Variants in FOXJ2 observed in about 807,000 individuals in gnomAD.
The protein encoded by FOXJ2 is forkhead box protein J2.
In FOXJ2, 18 loss-of-function variants were observed where a neutral mutation model predicts 68.4. The observed-to-expected ratio is 0.26, with a 90% CI of 0.18 to 0.39. The LOEUF (loss-of-function observed/expected upper bound fraction) is 0.39, where lower values mean the gene tolerates loss of function less well. Among genes scored for constraint, FOXJ2 ranks in the 10% least tolerant of loss-of-function variants. FOXJ2 has a pLI of 1.00. For synonymous variants in FOXJ2, 274 were observed against 263.2 expected, an observed-to-expected ratio of 1.04 and a Z score of -0.40; for missense variants, 670 against 726.5, an observed-to-expected ratio of 0.92 and a Z score of 0.89.
Position 8,052,851 on chromosome 12 carries a change from T to A in FOXJ2, c.*1T>A. 5 of 1,602,472 alleles carry A rather than the reference T, an allele frequency of 3.1e-6. No individual in the cohort carries two copies. Among genetic ancestry groups the A allele is most frequent in the Non-Finnish European group, 4.3e-6 (5 of 1,172,830 alleles). ...CTTCGACTGGGACTTGATCACTTAGTGCATCACAGAGTGTGGACATCAGCC... is the reference window on the plus strand; with the variant it reads ...CTTCGACTGGGACTTGATCACTTAGAGCATCACAGAGTGTGGACATCAGCC... On this transcript the variant is annotated 3_prime_UTR_variant, in exon 11 of 11. Coordinates refer to ENST00000162391, the MANE Select transcript of FOXJ2 (RefSeq NM_018416.3).
Position 8,032,728 on chromosome 12 carries a change from AGCCGAGCCCGAGCCCGC to A in FOXJ2, c.-1110_-1094del, listed in dbSNP as rs1946850630. The A allele has an allele frequency of 5.1e-6, 2 of 393,418 alleles. No homozygotes were observed. Among genetic ancestry groups the A allele is most frequent in the Non-Finnish European group, 9.0e-6 (2 of 222,874 alleles). 24.4% of individuals were successfully genotyped at this position (393,418 alleles called of 1,614,324 possible). A position where few individuals can be genotyped will look rare whatever the true frequency, so the allele number is the denominator to read the frequency against. The stretch of plus-strand genomic sequence containing the variant: ...GGAGCCGGGGCCTGCAGCGGAGCCG[AGCCGAGCCCGAGCCCGC>A]GCCGAGCCCTGACACTGTCTGCCCG... On this transcript the variant is annotated 5_prime_UTR_variant, in exon 1 of 11. Transcript: ENST00000162391. The surrounding 1 kb of genome is among the most constrained non-coding windows in gnomAD (Gnocchi z 4.8).
At position 8,047,942 on chromosome 12, in the gene FOXJ2, A is replaced by G. The variant is rs766606718; in HGVS notation, c.878A>G (p.Gln293Arg). ...PSNNYYMYQQ[Q>R]QPPPPQQQQQ... ...AACAACTACTACATGTATCAGCAGC[A>G]GCAGCCACCGCCACCTCAACAGCAG... is the stretch of plus-strand genomic sequence containing the variant. The change falls in exon 7 of 11, where the codon CAG (glutamine) becomes CGG (arginine). Residue 293 changes from glutamine to arginine, a missense_variant. Coordinates refer to ENST00000162391, the MANE Select transcript of FOXJ2 (RefSeq NM_018416.3). The G allele has an allele frequency of 6.2e-7, 1 of 1,613,194 alleles. No individual in the cohort carries two copies. The highest frequency in any genetic ancestry group is 1.1e-5 in the South Asian group (1 of 90,966).
intron 9 of FOXJ2, 73 bp downstream of exon 9, chr12:8,049,644 G>C: frequency 7.2e-7 from 1 of 1,385,136 alleles, no homozygotes; most frequent in African/African-American, 1.5e-5. Context: ...AGGCAAAAGA[G>C]AACTGAGAGA....
chr12:8,042,531 A>C, intron 2 of FOXJ2, 127 bp from the exon 3 acceptor site: 1 of 711,850 alleles, frequency 1.4e-6, no homozygotes, highest in Non-Finnish European at 2.5e-6. Flanking sequence ...GTTAAGAGGT[A>C]CTGAGCTTAC....
In FOXJ2 at chr12:8,047,789, T is replaced by C. The variant is rs988678995; in HGVS notation, c.818-93T>C. ...TCTTACCCTTTTAACTCCACAGTTT[T>C]AGTCTGAGGCTTCCCATCTCAACCC... On this transcript the variant is annotated intron_variant, in intron 6 of 10. Transcript: ENST00000162391. 29 of 1,457,872 alleles carry C rather than the reference T, an allele frequency of 2.0e-5. No individual in the cohort carries two copies. The Admixed American group carries it at 5.4e-4, about 27-fold the overall frequency. 90.3% of individuals were successfully genotyped at this position (1,457,872 alleles called of 1,614,324 possible). A position where few individuals can be genotyped will look rare whatever the true frequency, so the allele number is the denominator to read the frequency against.
chr12:8,039,061 T>C (rs1453631996), intron 1 of FOXJ2, among the ~76,000 whole-genome samples: 1 of 152,068 alleles, frequency 6.6e-6, no homozygotes, highest in Non-Finnish European at 1.5e-5. Context: ...GTGCAAGGGG[T>C]AGCTTAAAAA....
At chr12:8,045,933 A>AC (rs1565629684) in intron 6 of FOXJ2, among the ~76,000 whole-genome samples, 1 of 152,254 alleles carries the variant, frequency 6.6e-6, no homozygotes, top group Non-Finnish European at 1.5e-5. Context: ...TGCTGGGATT[A>AC]CAGGCGTGAG....
chr12:8,049,954 T>C (rs1947093373), intron 9 of FOXJ2: 2 of 279,582 alleles, frequency 7.2e-6, no homozygotes, highest in Non-Finnish European at 1.3e-5. Context: ...AGAGATGTCA[T>C]GATTATGTTC....
At chr12:8,037,076 A>G (rs1946906949) in intron 1 of FOXJ2, among the ~76,000 whole-genome samples, 1 of 152,198 alleles carries the variant, frequency 6.6e-6, no homozygotes, top group Non-Finnish European at 1.5e-5. Context: ...GCCACAGAGC[A>G]AGGCTTCGTC....
At position 8,048,179 on chromosome 12, in the gene FOXJ2, A is replaced by G. The variant is rs747146548; in HGVS notation, c.1115A>G (p.His372Arg). The G allele has an allele frequency of 3.1e-6, 5 of 1,613,934 alleles. No homozygotes were observed. The highest frequency in any genetic ancestry group is 2.2e-5 in the East Asian group (1 of 44,884). Residue 372 changes from histidine (H) to arginine (R), a missense_variant, in exon 7 of 11, where the codon CAT (histidine) becomes CGT (arginine). Physicochemically the swap from His to Arg is conservative, Grantham distance 29 (BLOSUM62 0). Transcript: ENST00000162391. ...GCCATGCATCCACCCCCGCTGCAGCATGGAGGCTACCACCCTCATCAGCAC... is the reference window on the plus strand; with the variant it reads ...GCCATGCATCCACCCCCGCTGCAGCGTGGAGGCTACCACCCTCATCAGCAC... The part of the protein sequence containing the change: ...VMAMHPPPLQ[H>R]GGYHPHQHHP...
rs1947018148 is a variant in FOXJ2 at position 8,045,096 on chromosome 12, T to G, written c.817+138T>G. The G allele has an allele frequency of 8.3e-6, 7 of 840,206 alleles. No homozygotes were observed. The South Asian group carries it at 1.3e-4, about 15-fold the overall frequency. 52.0% of individuals were successfully genotyped at this position (840,206 alleles called of 1,614,324 possible). Reference sequence around the variant, plus strand: ...TCTCACTCTTTCGTCCAAGCTGGAGTGCAGTGGCACGATCTGAGCTCACTG... The same window carrying G: ...TCTCACTCTTTCGTCCAAGCTGGAGGGCAGTGGCACGATCTGAGCTCACTG... On this transcript the variant is annotated intron_variant, in intron 6 of 10. Transcript: ENST00000162391.
rs1363637349 is a variant in FOXJ2, at chr12:8,054,044, A to G, written c.*1194A>G. ...TGGGGAGAGGAAAAAAGAGCTGGCAAAGAAATGGATAGGGAATATTTTAGT... is the reference window on the plus strand; with the variant it reads ...TGGGGAGAGGAAAAAAGAGCTGGCAGAGAAATGGATAGGGAATATTTTAGT... On this transcript the variant is annotated 3_prime_UTR_variant, in exon 11 of 11. Coordinates refer to ENST00000162391, the MANE Select transcript of FOXJ2 (RefSeq NM_018416.3). The G allele has an allele frequency of 6.6e-6, 1 of 152,218 alleles. No individual in the cohort carries two copies. Among genetic ancestry groups the G allele is most frequent in the Non-Finnish European group, 1.5e-5 (1 of 68,036 alleles). The allele number at this position is 152,218 out of a possible 1,614,324, so 9.4% of individuals were successfully genotyped here.
Position 8,039,849 on chromosome 12 carries a change from A to G in FOXJ2, c.17A>G (p.Glu6Gly). The stretch of plus-strand genomic sequence containing the variant: ...AGAAGTACCATGGCTTCTGACCTAG[A>G]GAGTAGCCTCACCTCCATAGACTGG... MASDL[E>G]SSLTSIDWLP... Residue 6 changes from glutamate to glycine, a missense_variant, in exon 2 of 11, where the codon GAG becomes GGG. Coordinates refer to ENST00000162391, the MANE Select transcript of FOXJ2 (RefSeq NM_018416.3). 1 of 1,613,788 alleles carries G rather than the reference A, an allele frequency of 6.2e-7. No homozygotes were observed.
intron 10 of FOXJ2, among the ~76,000 whole-genome samples, chr12:8,052,100 T>A (rs1467440574): frequency 6.6e-6 from 1 of 152,134 alleles, no homozygotes; most frequent in African/African-American, 2.4e-5. Flanking sequence ...ACTCCTGACC[T>A]CAAGTGATCC....
intron 5 of FOXJ2, among the ~76,000 whole-genome samples, chr12:8,044,379 C>A (rs1371690367): frequency 6.6e-6 from 1 of 152,054 alleles, no homozygotes; most frequent in Admixed American, 6.6e-5. Flanking sequence ...GCTTGAGACC[C>A]GCCTATCCAA....
intron 10 of FOXJ2, among the ~76,000 whole-genome samples, chr12:8,052,494 A>C (rs1947139374): frequency 6.6e-6 from 1 of 152,232 alleles, no homozygotes; most frequent in Admixed American, 6.5e-5. Context: ...CTGGGATAAC[A>C]AGTGTGAGCA....
chr12:8,049,423 T>C lies in FOXJ2; in HGVS notation c.1389T>C (p.Ile463=), dbSNP rs1334314609. The change falls in exon 9 of 11, where the codon ATT becomes ATC. Residue 463 remains isoleucine (I), a synonymous_variant. Transcript: ENST00000162391. The part of the protein sequence containing the change: ...QKNWTLDQHH[I]ANLCDSLNHF... ...ACTGGACCCTCGACCAGCATCACAT[T>C]GCCAATCTGTGTGACTCCCTCAACC... 1 of 1,614,156 alleles carries C rather than the reference T, an allele frequency of 6.2e-7. No homozygotes were observed. The highest frequency in any genetic ancestry group is 8.5e-7 in the Non-Finnish European group (1 of 1,180,022).
chr12:8,048,341 G>T (rs781246110), intron 7 of FOXJ2, 52 bp downstream of exon 7: 3 of 1,507,110 alleles, frequency 2.0e-6, no homozygotes, highest in East Asian at 2.3e-5. Context: ...TGATGTCCTT[G>T]TCCTAACACC....
intron 7 of FOXJ2, 22 bp downstream of exon 7, chr12:8,048,311 T>C (rs953357737): frequency 6.5e-7 from 1 of 1,534,382 alleles, no homozygotes; most frequent in Non-Finnish European, 8.8e-7. Context: ...GGGTGCACAG[T>C]GATCTAGAGG....
Sources: allele counts gnomAD v4.1 joint callset (sites outside exome capture counted in the v4.1 genomes callset), GRCh38; gene constraint gnomAD v4.1.1; non-coding constraint Gnocchi (gnomAD v3.1); transcripts MANE v1.5; gene names NCBI Gene and HGNC (gene_info 2026-07-23, HGNC 2026-07-21).